Variants in SNX6 observed in about 807,000 individuals in gnomAD.
The protein encoded by SNX6 is sorting nexin 6.
A neutral mutation model predicts 63.0 loss-of-function variants in SNX6; 34 were observed. That is an observed-to-expected ratio of 0.54 (90% confidence interval 0.41 to 0.72). SNX6 has a LOEUF of 0.72. Ranked by LOEUF, SNX6 falls within the 30% of genes least tolerant of loss-of-function variation. The pLI, the probability that SNX6 is intolerant of heterozygous loss-of-function variation, is 0.00. For synonymous variants in SNX6, 170 were observed against 164.2 expected, an observed-to-expected ratio of 1.04 and a Z score of -0.27; for missense variants, 398 against 471.4, an observed-to-expected ratio of 0.84 and a Z score of 1.44.
intron 2 of SNX6, among the ~76,000 whole-genome samples, chr14:34,611,029 A>G (rs574376484): frequency 1.3e-5 from 2 of 152,232 alleles, no homozygotes; most frequent in Non-Finnish European, 2.9e-5. Context: ...TTTTTGAGAC[A>G]GGGTCTCAAA....
intron 7 of SNX6, among the ~76,000 whole-genome samples, chr14:34,596,083 G>A (rs952571813): frequency 5.3e-5 from 8 of 152,030 alleles, no homozygotes; most frequent in Admixed American, 2.0e-4. Context: ...AGCTGGGCGT[G>A]ATGGCGGGCA....
chr14:34,586,706 T>G (rs1211964612), intron 8 of SNX6, among the ~76,000 whole-genome samples: 2 of 149,160 alleles, frequency 1.3e-5, no homozygotes, highest in Non-Finnish European at 3.0e-5. Context: ...AGACTCCGTC[T>G]CAAACAAAAA....
At chr14:34,601,387 A>G (rs1316748291) in intron 6 of SNX6, among the ~76,000 whole-genome samples, 1 of 151,318 alleles carries the variant, frequency 6.6e-6, no homozygotes, top group Non-Finnish European at 1.5e-5. Context: ...CACCAAGCCC[A>G]GCTAATTTTT....
chr14:34,611,290 A>C (rs1286272544), intron 2 of SNX6, among the ~76,000 whole-genome samples: 1 of 150,790 alleles, frequency 6.6e-6, no homozygotes, highest in Non-Finnish European at 1.5e-5. Context: ...TAGCCTGGCC[A>C]ACACGGCAAA....
At chr14:34,578,836 G>A (rs947844405) in intron 10 of SNX6, among the ~76,000 whole-genome samples, 18 of 147,942 alleles carry the variant, frequency 1.2e-4, no homozygotes. Context: ...CTACTCGGGA[G>A]GCTGAGGCAG....
At chr14:34,582,548 TTTG>T (rs755901631) in intron 9 of SNX6, among the ~76,000 whole-genome samples, 10 of 151,506 alleles carry the variant, frequency 6.6e-5, no homozygotes, top group Non-Finnish European at 1.2e-4. Context: ...TAAACGTGTT[TTTG>T]TTGTTGTTGT....
chr14:34,608,428 G>A (rs1424160487), intron 3 of SNX6, among the ~76,000 whole-genome samples: 1 of 152,144 alleles, frequency 6.6e-6, no homozygotes, highest in African/African-American at 2.4e-5. Flanking sequence ...CTCCCAAAGT[G>A]TTGGGATTAC....
intron 10 of SNX6, among the ~76,000 whole-genome samples, chr14:34,576,919 T>C (rs182017372): frequency 0.011 from 1,684 of 150,918 alleles, 36 homozygotes; most frequent in African/African-American, 0.038. Context: ...CCGTCTCTAC[T>C]AAAAATACAA....
chr14:34,568,775 C>G, intron 11 of SNX6: 1 of 937,290 alleles, frequency 1.1e-6, no homozygotes, highest in South Asian at 1.3e-5. Flanking sequence ...CGGCCCCCAT[C>G]TTGGTCCTTT....
intron 7 of SNX6, among the ~76,000 whole-genome samples, chr14:34,595,307 T>C (rs1253445122): frequency 6.6e-6 from 1 of 151,986 alleles, no homozygotes; most frequent in Non-Finnish European, 1.5e-5. Flanking sequence ...CTGGCTAATT[T>C]TGTATTTTTA....
intron 2 of SNX6, among the ~76,000 whole-genome samples, chr14:34,624,110 C>CT (rs67945891): frequency 0.39 from 59,549 of 151,004 alleles, 12,986 homozygotes; most frequent in East Asian, 0.73. Flanking sequence ...CAATATTTTC[C>CT]TTTTTTTTTG....
intron 13 of SNX6, among the ~76,000 whole-genome samples, chr14:34,565,039 C>T (rs1881108158): frequency 1.3e-5 from 2 of 150,688 alleles, no homozygotes; most frequent in Non-Finnish European, 2.9e-5. Flanking sequence ...ATACTTAAAT[C>T]TGAATTTCAT....
At chr14:34,612,069 G>A (rs896450789) in intron 2 of SNX6, among the ~76,000 whole-genome samples, 1 of 152,024 alleles carries the variant, frequency 6.6e-6, no homozygotes, top group Admixed American at 6.6e-5. Flanking sequence ...GTGAGCCACC[G>A]TGTCCAGCCT....
At chr14:34,594,381 T>A (rs1369632617) in intron 7 of SNX6, among the ~76,000 whole-genome samples, 1 of 151,650 alleles carries the variant, frequency 6.6e-6, no homozygotes, top group African/African-American at 2.4e-5. Context: ...TCAGACAGAG[T>A]CTTGCTTTGT....
intron 2 of SNX6, among the ~76,000 whole-genome samples, chr14:34,626,024 A>G (rs1162948799): frequency 6.6e-6 from 1 of 152,166 alleles, no homozygotes; most frequent in African/African-American, 2.4e-5. Flanking sequence ...CAGACTACTA[A>G]CTTAGTTTCT....
At chr14:34,601,706 T>C (rs1346904276) in intron 6 of SNX6, among the ~76,000 whole-genome samples, 2 of 151,968 alleles carry the variant, frequency 1.3e-5, no homozygotes, top group South Asian at 2.1e-4. Context: ...GTGATTCTCC[T>C]GTCTTAGCCT....
chr14:34,605,724 C>G lies in SNX6; in HGVS notation c.271-7G>C, dbSNP rs1365915540. 6.3e-7 allele frequency: 1 copy of G among 1,590,258 alleles called. No homozygotes were observed. Among genetic ancestry groups the G allele is most frequent in the South Asian group, 1.2e-5 (1 of 86,066 alleles). ...TTGGTGGTGCTGGTGGAATCTGTAA[C>G]AGGACCAAATGACTAATTTTAAGGA... On this transcript the variant is annotated splice_polypyrimidine_tract_variant and splice_region_variant and intron_variant, in intron 4 of 13. Coordinates refer to ENST00000362031, the MANE Select transcript of SNX6 (RefSeq NM_152233.4).
chr14:34,578,588 C>T (rs1177272394), intron 10 of SNX6, among the ~76,000 whole-genome samples: 3 of 147,316 alleles, frequency 2.0e-5, no homozygotes, highest in Non-Finnish European at 4.5e-5. Flanking sequence ...CAAGATGATG[C>T]CACTGCATTC....
chr14:34,620,706 T>G (rs1883588941), intron 2 of SNX6, among the ~76,000 whole-genome samples: 2 of 152,044 alleles, frequency 1.3e-5, no homozygotes, highest in South Asian at 4.1e-4. Context: ...TTTGGGAGGC[T>G]GAGGCAGGAG....
Sources: gnomAD v4.1 joint callset for allele counts (sites outside exome capture counted in the v4.1 genomes callset) on GRCh38, gnomAD v4.1.1 for gene constraint, MANE v1.5 for transcripts, NCBI Gene and HGNC (gene_info 2026-07-23, HGNC 2026-07-21) for gene names.